The following PDE4B variants were observed in gnomAD, a reference collection of about 807,000 sequenced individuals.
The protein encoded by PDE4B is 3',5'-cyclic-AMP phosphodiesterase 4B.
A neutral mutation model predicts 82.2 loss-of-function variants in PDE4B; 20 were observed. The ratio of observed to expected loss-of-function variants is 0.24; its 90% confidence interval spans 0.17 to 0.35. The LOEUF (loss-of-function observed/expected upper bound fraction) is 0.35, where lower values mean the gene tolerates loss of function less well. Among genes scored for constraint, PDE4B ranks in the 10% least tolerant of loss-of-function variants. The pLI, the probability that PDE4B is intolerant of heterozygous loss-of-function variation, is 1.00. For synonymous variants in PDE4B, 320 were observed against 318.9 expected, an observed-to-expected ratio of 1.00 and a Z score of -0.04; for missense variants, 655 against 907.2, an observed-to-expected ratio of 0.72 and a Z score of 3.57.
intron 3 of PDE4B, among the ~76,000 whole-genome samples, chr1:65,977,235 G>A (rs1045766226): frequency 4.6e-5 from 7 of 152,078 alleles, no homozygotes; most frequent in Admixed American, 4.6e-4. Context: ...AGGGATTTCT[G>A]GGTCCCACTC....
intron 3 of PDE4B, among the ~76,000 whole-genome samples, chr1:66,225,386 C>T (rs1489996696): frequency 1.3e-5 from 2 of 152,268 alleles, no homozygotes; most frequent in Admixed American, 6.5e-5. Flanking sequence ...TCTTCTCAGT[C>T]GATAATATTT....
chr1:66,271,377 A>C (rs543589), intron 7 of PDE4B, among the ~76,000 whole-genome samples: 92,054 of 152,008 alleles, frequency 0.61, 28,378 homozygotes, highest in African/African-American at 0.69. Context: ...CTGAGAAACA[A>C]CATCCACCCA....
intron 3 of PDE4B, among the ~76,000 whole-genome samples, chr1:66,222,661 T>G (rs1251832852): frequency 6.6e-6 from 1 of 152,224 alleles, no homozygotes; most frequent in Non-Finnish European, 1.5e-5. Context: ...TCAACCTCTC[T>G]GATCATTCGT....
intron 1 of PDE4B, among the ~76,000 whole-genome samples, chr1:65,827,305 A>T (rs1214756231): frequency 6.6e-6 from 1 of 152,180 alleles, no homozygotes; most frequent in African/African-American, 2.4e-5. Context: ...CACAAATCAG[A>T]GCCCGTCTCA....
At chr1:66,223,632 C>T (rs1041271047) in intron 3 of PDE4B, among the ~76,000 whole-genome samples, 1 of 152,172 alleles carries the variant, frequency 6.6e-6, no homozygotes. Context: ...CCAACTGACA[C>T]CTGGCTCTCC....
chr1:66,290,702 T>A (rs1657009483), intron 7 of PDE4B, among the ~76,000 whole-genome samples: 1 of 152,012 alleles, frequency 6.6e-6, no homozygotes, highest in African/African-American at 2.4e-5. Context: ...ATGCCAGGAG[T>A]AATAATCAAG....
chr1:66,036,109 G>A (rs1055694712), intron 3 of PDE4B, among the ~76,000 whole-genome samples: 1 of 152,076 alleles, frequency 6.6e-6, no homozygotes, highest in Non-Finnish European at 1.5e-5. Flanking sequence ...TAAGCACTGT[G>A]GGCATTTGTA....
rs1570221557 is a variant in PDE4B, at chr1:66,096,502, A to G, written c.282-150958A>G. ...TCCTAATTAAATGCGGTATAAGTAA[A>G]AAAAATTATATATATATATATATAT... On this transcript the variant is annotated intron_variant, in intron 3 of 16. Transcript: ENST00000341517. Among the ~76,000 whole-genome samples the G allele has an allele frequency of 7.0e-5, 8 of 114,176 alleles. No homozygotes were observed. In the South Asian group the frequency reaches 2.4e-3, roughly 35 times the overall value. 74.9% of individuals were successfully genotyped at this position (114,176 alleles called of 152,430 possible). A position where few individuals can be genotyped will look rare whatever the true frequency, so the allele number is the denominator to read the frequency against.
intron 3 of PDE4B, among the ~76,000 whole-genome samples, chr1:66,060,671 T>G (rs1655539901): frequency 6.6e-6 from 1 of 152,220 alleles, no homozygotes; most frequent in Non-Finnish European, 1.5e-5. Flanking sequence ...TTACTTGTTT[T>G]AAAACATAGC....
At chr1:66,039,630 C>T (rs958158301) in intron 3 of PDE4B, among the ~76,000 whole-genome samples, 7 of 151,490 alleles carry the variant, frequency 4.6e-5, no homozygotes, top group Admixed American at 4.6e-4. Flanking sequence ...ATATATGTAC[C>T]CTGAAGCGAG....
chr1:66,006,301 G>A (rs549896219), intron 3 of PDE4B, among the ~76,000 whole-genome samples: 21 of 152,214 alleles, frequency 1.4e-4, no homozygotes, highest in Middle Eastern at 3.4e-3. Flanking sequence ...TAGTATTTTC[G>A]TTTTTTATTG....
intron 8 of PDE4B, among the ~76,000 whole-genome samples, chr1:66,335,553 A>G (rs1660454494): frequency 6.6e-6 from 1 of 152,236 alleles, no homozygotes; most frequent in Non-Finnish European, 1.5e-5. Context: ...AATGTACTTC[A>G]TAGCCTAGAG....
intron 1 of PDE4B, among the ~76,000 whole-genome samples, chr1:65,823,626 C>A (rs1170826674): frequency 2.0e-5 from 3 of 152,186 alleles, no homozygotes; most frequent in Admixed American, 2.0e-4. Flanking sequence ...TGACCATTTT[C>A]TTCTCCCTGG....
chr1:66,293,850 C>G (rs1657293576), intron 7 of PDE4B, among the ~76,000 whole-genome samples: 1 of 152,162 alleles, frequency 6.6e-6, no homozygotes, highest in Non-Finnish European at 1.5e-5. Flanking sequence ...TTGTTGTTCT[C>G]AACCATATAA....
At chr1:66,362,043 G>C (rs1307756574) in intron 10 of PDE4B, among the ~76,000 whole-genome samples, 1 of 152,146 alleles carries the variant, frequency 6.6e-6, no homozygotes, top group Non-Finnish European at 1.5e-5. Flanking sequence ...TAGCCATTAA[G>C]AATGCCATTG....
intron 8 of PDE4B, among the ~76,000 whole-genome samples, chr1:66,343,055 T>C (rs1274958724): frequency 6.6e-6 from 1 of 151,726 alleles, no homozygotes; most frequent in East Asian, 1.9e-4. Context: ...AGTGAAACCC[T>C]GTCAAAAAAC....
intron 3 of PDE4B, 54 bp from the exon 4 acceptor site, chr1:66,247,406 T>C: frequency 3.9e-6 from 5 of 1,274,382 alleles, no homozygotes; most frequent in Non-Finnish European, 5.5e-6. Flanking sequence ...GTGTATACTA[T>C]GTGTCCTCCT....
At chr1:66,135,337 C>T (rs1646035047) in intron 3 of PDE4B, among the ~76,000 whole-genome samples, 1 of 151,986 alleles carries the variant, frequency 6.6e-6, no homozygotes, top group Non-Finnish European at 1.5e-5. Flanking sequence ...TATAGATAAC[C>T]CTAATGAAGG....
chr1:66,127,296 T>G (rs1319286223), intron 3 of PDE4B, among the ~76,000 whole-genome samples: 1 of 152,166 alleles, frequency 6.6e-6, no homozygotes, highest in Non-Finnish European at 1.5e-5. Flanking sequence ...AACTCTCTAC[T>G]CTTTCTGTAG....
Sources: allele counts gnomAD v4.1 joint callset (sites outside exome capture counted in the v4.1 genomes callset), GRCh38; gene constraint gnomAD v4.1.1; transcripts MANE v1.5; gene names NCBI Gene and HGNC (gene_info 2026-07-23, HGNC 2026-07-21).